The following NOS2 variants were observed in gnomAD, a reference collection of about 807,000 sequenced individuals.
The protein encoded by NOS2 is nitric oxide synthase, inducible.
Under a neutral mutation model 136.0 loss-of-function variants are expected in NOS2, and 96 were observed. The observed-to-expected ratio is 0.71, with a 90% confidence interval of 0.60 to 0.84. The LOEUF is 0.84. Among genes scored for constraint, NOS2 ranks in the 40% least tolerant of loss-of-function variants. The probability of loss-of-function intolerance (pLI) is 0.00; values close to 1 mark genes in which losing one functional copy is unlikely to be tolerated. For synonymous variants in NOS2, 539 were observed against 587.5 expected (o/e 0.92, Z 1.20); for missense variants, 1,237 against 1,496.9 (o/e 0.83, Z 2.87).
chr17:27,759,138 C>T (rs1908028006), intron 25 of NOS2, 63 bp from the exon 26 acceptor site: 2 of 1,275,726 alleles, frequency 1.6e-6, no homozygotes, highest in Non-Finnish European at 2.1e-6. Context: ...TGCAGGCAGG[C>T]CTGCTGGCCT....
chr17:27,761,264 C>G, intron 22 of NOS2, 33 bp from the exon 23 acceptor site: 1 of 1,554,128 alleles, frequency 6.4e-7, no homozygotes, highest in South Asian at 1.2e-5. Context: ...CCAACGTCCC[C>G]CCACTGCCCA....
At position 27,764,146 on chromosome 17, in the gene NOS2, T is replaced by C; in HGVS notation, c.2429-2A>G. ...TCTTGTCACTGACCCAGTAGCTGCC[T>C]GGATGGGGAAGGAAGGTGTCAGGAT... On this transcript the variant is annotated splice_acceptor_variant, in intron 20 of 26. Coordinates refer to ENST00000313735, the MANE Select transcript of NOS2 (RefSeq NM_000625.4). LOFTEE classifies it high-confidence loss of function. The C allele has an allele frequency of 1.3e-6, 2 of 1,511,662 alleles. No homozygotes were observed. The highest frequency in any genetic ancestry group is 8.9e-7 in the Non-Finnish European group (1 of 1,124,844). 93.6% of individuals were successfully genotyped at this position (1,511,662 alleles called of 1,614,324 possible).
chr17:27,766,381 G>A (rs534079804), intron 19 of NOS2, 129 bp downstream of exon 19: 8 of 853,004 alleles, frequency 9.4e-6, no homozygotes, highest in South Asian at 4.4e-5. Context: ...CGGTCCTACC[G>A]ACAGTGTGGC....
At position 27,760,626 on chromosome 17, in the gene NOS2, T is replaced by C; in HGVS notation, c.3007A>G (p.Lys1003Glu). 1 of 1,553,602 alleles carries C rather than the reference T, an allele frequency of 6.4e-7. No individual in the cohort carries two copies. Among genetic ancestry groups the C allele is most frequent in the Non-Finnish European group, 8.7e-7 (1 of 1,148,126 alleles). Reference sequence around the variant, plus strand: ...CCTGGGAAGCCTCCAGCCTTACCCTTGTGCTGGGAGTCATGGAGCCGTTGC... The same window carrying C: ...CCTGGGAAGCCTCCAGCCTTACCCTCGTGCTGGGAGTCATGGAGCCGTTGC... Reference protein sequence around the residue: ...WQQRLHDSQHKGVRGGRMTLV... With the variant: ...WQQRLHDSQHEGVRGGRMTLV... The change falls in exon 24 of 27, where the codon AAG becomes GAG. Residue 1003 changes from lysine (K) to glutamate (E), a missense_variant. By Grantham distance (56) the Lys-to-Glu change is moderately conservative (BLOSUM62 1). Transcript: ENST00000313735.
intron 1 of NOS2, among the ~76,000 whole-genome samples, chr17:27,799,233 C>A (rs1237421388): frequency 6.6e-6 from 1 of 152,098 alleles, no homozygotes; most frequent in Admixed American, 6.5e-5. Context: ...AGGAAGAGCC[C>A]GGAGGTCGTT....
intron 26 of NOS2, among the ~76,000 whole-genome samples, chr17:27,758,371 C>T (rs985538388): frequency 2.0e-5 from 3 of 152,180 alleles, no homozygotes; most frequent in African/African-American, 7.2e-5. Context: ...AATGAAATGT[C>T]ACATGAGAAT....
At chr17:27,793,255 G>GCTCT (rs1253045748) in intron 2 of NOS2, among the ~76,000 whole-genome samples, 1 of 152,132 alleles carries the variant, frequency 6.6e-6, no homozygotes, top group Non-Finnish European at 1.5e-5. Flanking sequence ...GAACCTCCTT[G>GCTCT]CTCTCTTAAC....
chr17:27,784,162 T>A (rs56099237), intron 5 of NOS2, among the ~76,000 whole-genome samples: 4 of 77,586 alleles, frequency 5.2e-5, no homozygotes, highest in Middle Eastern at 9.4e-3. Context: ...ACACACACAC[T>A]ACCACCACCA....
At position 27,764,633 on chromosome 17, in the gene NOS2, C is replaced by T. The variant is rs184109729; in HGVS notation, c.2429-489G>A. Among the ~76,000 whole-genome samples, 3 of 152,306 alleles carry T rather than the reference C, an allele frequency of 2.0e-5. No homozygotes were observed. In the East Asian group the frequency reaches 5.8e-4, roughly 29 times the overall value. ...CAGCACAGACCCTGGTGCCAGAAGA[C>T]ACGGGTTCAAACCCTGGCTCCCCAC... On this transcript the variant is annotated intron_variant, in intron 20 of 26. Transcript: ENST00000313735.
rs781094536 is a variant in NOS2 at position 27,774,310 on chromosome 17, C to T, written c.1423G>A (p.Val475Met). The T allele has an allele frequency of 4.5e-6, 7 of 1,570,042 alleles. No individual in the cohort carries two copies. Among genetic ancestry groups the T allele is most frequent in the South Asian group, 1.2e-5 (1 of 83,392 alleles). The change falls in exon 12 of 27, where the codon GTG (valine) becomes ATG (methionine). Residue 475 changes from valine to methionine, a missense_variant. Around this residue, in one of 3 missense-constraint regions of NOS2, gnomAD observed 782 missense variants for 909.9 expected, o/e 0.86. Coordinates refer to ENST00000313735, the MANE Select transcript of NOS2 (RefSeq NM_000625.4). ...TAGTTCAGCATCTCCTGGTGAAACA[C>T]GGGGGTGATGCTCCCAGACATGGGA... ...VPPMSGSITPVFHQEMLNYVL... is the reference protein window; with the variant it reads ...VPPMSGSITPMFHQEMLNYVL...
intron 2 of NOS2, among the ~76,000 whole-genome samples, chr17:27,793,006 G>A (rs1186416177): frequency 6.6e-6 from 1 of 151,852 alleles, no homozygotes; most frequent in African/African-American, 2.4e-5. Flanking sequence ...GGGGGCGTGG[G>A]GAGTGCTGTG....
intron 5 of NOS2, among the ~76,000 whole-genome samples, chr17:27,785,959 A>G (rs1430948167): frequency 1.1e-5 from 1 of 91,460 alleles, no homozygotes; most frequent in Admixed American, 9.7e-5. Flanking sequence ...CCGAGTCTCA[A>G]AAAAAAAAAA....
intron 22 of NOS2, among the ~76,000 whole-genome samples, chr17:27,761,987 T>C (rs1043545035): frequency 2.0e-5 from 3 of 152,198 alleles, no homozygotes; most frequent in African/African-American, 7.2e-5. Context: ...GTGTTTTTGC[T>C]TCTTGAGGAC....
At chr17:27,788,043 G>T (rs1909074004) in intron 4 of NOS2, among the ~76,000 whole-genome samples, 1 of 152,106 alleles carries the variant, frequency 6.6e-6, no homozygotes, top group Non-Finnish European at 1.5e-5. Context: ...GTGTGAGTCA[G>T]GTTTTTCTCC....
chr17:27,792,282 G>A (rs1237851552), intron 2 of NOS2, among the ~76,000 whole-genome samples: 1 of 152,150 alleles, frequency 6.6e-6, no homozygotes, highest in African/African-American at 2.4e-5. Context: ...GTGTGTGTGT[G>A]TGCGTACAAG....
intron 9 of NOS2, among the ~76,000 whole-genome samples, chr17:27,779,364 C>T (rs1275658535): frequency 1.3e-5 from 2 of 149,304 alleles, no homozygotes; most frequent in African/African-American, 2.5e-5. Context: ...AGGCTGGTCT[C>T]GAACTACTGG....
chr17:27,791,798 A>ATATATATATAT (rs1567643098), intron 2 of NOS2, among the ~76,000 whole-genome samples: 3 of 150,678 alleles, frequency 2.0e-5, no homozygotes, highest in African/African-American at 7.3e-5. Context: ...AAAACAAAAC[A>ATATATATATAT]AAACAAAAAT....
intron 4 of NOS2, 109 bp downstream of exon 4, chr17:27,788,700 A>C: frequency 7.2e-7 from 1 of 1,391,364 alleles, no homozygotes; most frequent in Non-Finnish European, 9.7e-7. Context: ...CCTTTGCCCA[A>C]GCAGATGATT....
intron 2 of NOS2, among the ~76,000 whole-genome samples, chr17:27,791,703 C>CT (rs1028001491): frequency 6.7e-6 from 1 of 149,448 alleles, no homozygotes; most frequent in African/African-American, 2.5e-5. Context: ...CCATACTGTT[C>CT]TTTAACAAGT....
Sources: gnomAD v4.1 joint callset for allele counts (sites outside exome capture counted in the v4.1 genomes callset) on GRCh38, gnomAD v4.1.1 for gene constraint, gnomAD v4.1.1 regional missense constraint, MANE v1.5 for transcripts, NCBI Gene and HGNC (gene_info 2026-07-23, HGNC 2026-07-21) for gene names.